Variants in KIF4B observed in about 807,000 individuals in gnomAD.
KIF4B encodes chromosome-associated kinesin KIF4B.
A neutral mutation model predicts 69.0 loss-of-function variants in KIF4B; 60 were observed. The observed-to-expected ratio is 0.87, with a 90% CI of 0.71 to 1.08. KIF4B has a LOEUF of 1.08. Among genes scored for constraint, KIF4B ranks in the 50% least tolerant of loss-of-function variants. The probability of loss-of-function intolerance (pLI) is 0.00; values close to 1 mark genes in which losing one functional copy is unlikely to be tolerated. For missense variants in KIF4B, 1,357 were observed against 1,451.9 expected (o/e 0.93, Z 1.06); for synonymous variants, 489 against 533.0 (o/e 0.92, Z 1.14).
In KIF4B at chr5:155,016,944, C is replaced by T. The variant is rs750712721; in HGVS notation, c.3085C>T (p.Arg1029Cys). The change falls in exon 1 of 1, where the codon CGT (arginine) becomes TGT (cysteine). Residue 1029 changes from arginine (R) to cysteine (C), a missense_variant. Physicochemically the swap from Arg to Cys is radical, Grantham distance 180. Coordinates refer to ENST00000435029, the MANE Select transcript of KIF4B (RefSeq NM_001099293.3). ...EYIPPKPKPS[R>C]VKEKFLEQSM... ...TATCCCACCTAAGCCAAAACCTTCT[C>T]GTGTTAAAGAAAAGTTTCTGGAGCA... 7.4e-6 allele frequency: 12 copies of T among 1,614,184 alleles called. No homozygotes were observed. Among genetic ancestry groups the T allele is most frequent in the East Asian group, 4.5e-5 (2 of 44,882 alleles).
At position 155,017,295 on chromosome 5, in the gene KIF4B, G is replaced by T; in HGVS notation, c.3436G>T (p.Asp1146Tyr). The change falls in exon 1 of 1, where the codon GAT (aspartate) becomes TAT (tyrosine). Residue 1146 changes from aspartate to tyrosine, a missense_variant. Physicochemically the swap from Asp to Tyr is radical, Grantham distance 160 (BLOSUM62 -3). Transcript: ENST00000435029. ...TTCCGAAGGCTCCTTCAAACTGGAG[G>T]ATCCTACCGAGGTGACCCCAGGATT... ...QDSEGSFKLE[D>Y]PTEVTPGLSF... 6.2e-7 allele frequency: 1 copy of T among 1,614,192 alleles called. No individual in the cohort carries two copies. Among genetic ancestry groups the T allele is most frequent in the Non-Finnish European group, 8.5e-7 (1 of 1,180,038 alleles).
rs780174289 is a variant in KIF4B, at chr5:155,014,568, C to T, written c.709C>T (p.His237Tyr). Residue 237 changes from histidine (H) to tyrosine (Y), a missense_variant, in exon 1 of 1, where the codon CAT (histidine) becomes TAT (tyrosine). By Grantham distance (83) the His-to-Tyr change is moderately conservative (BLOSUM62 2). Coordinates refer to ENST00000435029, the MANE Select transcript of KIF4B (RefSeq NM_001099293.3). ...GAATTGCAGCTTTCGCTCCAAGCTG[C>T]ATCTTGTAGATCTCGCTGGATCAGA... ...DKNCSFRSKL[H>Y]LVDLAGSERQ... The T allele has an allele frequency of 2.5e-6, 4 of 1,614,144 alleles. No individual in the cohort carries two copies. The South Asian group carries it at 3.3e-5, about 13-fold the overall frequency.
In KIF4B at chr5:155,013,808, C is replaced by T. The variant is rs1765272807; in HGVS notation, c.-52C>T. On this transcript the variant is annotated 5_prime_UTR_variant, in exon 1 of 1. Transcript: ENST00000435029. ...GGCTGGGACAGGGCGGCGGGAGACC[C>T]CGGGTGAACGGGGAAGGGACATTTA... 8 of 1,600,938 alleles carry T rather than the reference C, an allele frequency of 5.0e-6. No homozygotes were observed. The highest frequency in any genetic ancestry group is 1.1e-5 in the South Asian group (1 of 89,752).
chr5:155,015,756 G>C lies in KIF4B; in HGVS notation c.1897G>C (p.Val633Leu). The C allele has an allele frequency of 6.2e-7, 1 of 1,614,226 alleles. No homozygotes were observed. The highest frequency in any genetic ancestry group is 8.5e-7 in the Non-Finnish European group (1 of 1,180,048). Residue 633 changes from valine (V) to leucine (L), a missense_variant, in exon 1 of 1, where the codon GTC (valine) becomes CTC (leucine). Transcript: ENST00000435029. Reference sequence around the variant, plus strand: ...ACTAAAGGAATCCACAGAGCGTACTGTCTCCAAGCTGAACCAAGAGATATG... The same window carrying C: ...ACTAAAGGAATCCACAGAGCGTACTCTCTCCAAGCTGAACCAAGAGATATG... ...LKLKESTERT[V>L]SKLNQEIWMM...
Position 155,017,319 on chromosome 5 carries a change from T to C in KIF4B, c.3460T>C (p.Leu1154=). 1 of 1,614,162 alleles carries C rather than the reference T, an allele frequency of 6.2e-7. No homozygotes were observed. The highest frequency in any genetic ancestry group is 8.5e-7 in the Non-Finnish European group (1 of 1,180,016). Reference sequence around the variant, plus strand: ...GGATCCTACCGAGGTGACCCCAGGATTGAGCTTCTTTAACCCTGTCTGTGC... The same window carrying C: ...GGATCCTACCGAGGTGACCCCAGGACTGAGCTTCTTTAACCCTGTCTGTGC... The part of the protein sequence containing the change: ...LEDPTEVTPG[L]SFFNPVCATP... Residue 1154 remains leucine, a synonymous_variant, in exon 1 of 1, where the codon TTG becomes CTG. Transcript: ENST00000435029.
At position 155,017,682 on chromosome 5, in the gene KIF4B, G is replaced by A. The variant is rs1765354423; in HGVS notation, c.*118G>A. On this transcript the variant is annotated 3_prime_UTR_variant, in exon 1 of 1. Transcript: ENST00000435029. ...CAGGTTTCTTGCCGTTGAAAAAAAG[G>A]AACAAAGCATTACTAAAAAGAAGGT... 1.4e-6 allele frequency: 2 copies of A among 1,448,004 alleles called. No individual in the cohort carries two copies. Among genetic ancestry groups the A allele is most frequent in the African/African-American group, 1.4e-5 (1 of 69,530 alleles). The allele number at this position is 1,448,004 out of a possible 1,614,324, so 89.7% of individuals were successfully genotyped here.
Position 155,014,479 on chromosome 5 carries a change from C to A in KIF4B, c.620C>A (p.Ser207Tyr), listed in dbSNP as rs958270524. The A allele has an allele frequency of 6.2e-7, 1 of 1,614,096 alleles. No individual in the cohort carries two copies. Among genetic ancestry groups the A allele is most frequent in the Non-Finnish European group, 8.5e-7 (1 of 1,179,986 alleles). The change falls in exon 1 of 1, where the codon TCC (serine) becomes TAC (tyrosine). Residue 207 changes from serine (S) to tyrosine (Y), a missense_variant. Ser to Tyr is a moderately radical substitution (Grantham distance 144). Transcript: ENST00000435029. ...ACTGTGGCCTCCACAGCTATGAACT[C>A]CCAGTCGTCCCGATCTCATGCCATC... ...SRTVASTAMN[S>Y]QSSRSHAIFT...
rs78552136 is a variant in KIF4B, at chr5:155,017,586, C to A, written c.*22C>A. ...CTGAAGTTGGAGTCATCATCTCTAC[C>A]CCCAATCTGGCTTGGGAGATGCTTT... On this transcript the variant is annotated 3_prime_UTR_variant, in exon 1 of 1. Transcript: ENST00000435029. 1.2e-6 allele frequency: 2 copies of A among 1,602,564 alleles called. No homozygotes were observed. The highest frequency in any genetic ancestry group is 2.2e-4 in the Middle Eastern group (1 of 4,556).
In KIF4B at chr5:155,013,970, G is replaced by A; in HGVS notation, c.111G>A (p.Gly37=). The change falls in exon 1 of 1, where the codon GGG becomes GGA. Residue 37 remains glycine (G), a synonymous_variant. Transcript: ENST00000435029. ...AGATGTGCCTTTCCTTCGTGCCCGG[G>A]GAGACTCAGGTGGTGGTTGGTACTG... ...GCQMCLSFVP[G]ETQVVVGTDK... is the part of the protein sequence containing the mutation. The A allele has an allele frequency of 6.2e-7, 1 of 1,614,222 alleles. No homozygotes were observed. Among genetic ancestry groups the A allele is most frequent in the South Asian group, 1.1e-5 (1 of 91,082 alleles).
rs1765289984 is a variant in KIF4B, at chr5:155,014,522, G to A, written c.663G>A (p.Glu221=). Reference sequence around the variant, plus strand: ...ATGCCATCTTTACAATCTCCATAGAGCAAAGAAAGAAAAGTGACAAGAATT... The same window carrying A: ...ATGCCATCTTTACAATCTCCATAGAACAAAGAAAGAAAAGTGACAAGAATT... The part of the protein sequence containing the change: ...RSHAIFTISI[E]QRKKSDKNCS... The change falls in exon 1 of 1, where the codon GAG becomes GAA. Residue 221 remains glutamate, a synonymous_variant. Coordinates refer to ENST00000435029, the MANE Select transcript of KIF4B (RefSeq NM_001099293.3). 2 of 1,613,934 alleles carry A rather than the reference G, an allele frequency of 1.2e-6. No individual in the cohort carries two copies. Among genetic ancestry groups the A allele is most frequent in the African/African-American group, 2.7e-5 (2 of 74,914 alleles).
chr5:155,014,523 C>G lies in KIF4B; in HGVS notation c.664C>G (p.Gln222Glu), dbSNP rs1439115773. Residue 222 changes from glutamine to glutamate, a missense_variant, in exon 1 of 1, where the codon CAA becomes GAA. Transcript: ENST00000435029. The stretch of plus-strand genomic sequence containing the variant: ...TGCCATCTTTACAATCTCCATAGAG[C>G]AAAGAAAGAAAAGTGACAAGAATTG... ...SHAIFTISIE[Q>E]RKKSDKNCSF... 6.2e-7 allele frequency: 1 copy of G among 1,614,054 alleles called. No homozygotes were observed. Among genetic ancestry groups the G allele is most frequent in the Middle Eastern group, 1.7e-4 (1 of 6,058 alleles).
rs1765314324 is a variant in KIF4B at position 155,015,688 on chromosome 5, C to T, written c.1829C>T (p.Ala610Val). Residue 610 changes from alanine (A) to valine (V), a missense_variant, in exon 1 of 1, where the codon GCT becomes GTT. Transcript: ENST00000435029. ...KLLQELEGQI[A>V]DLKKKLNEQS... ...CTCCAGGAGCTGGAGGGTCAAATAG[C>T]TGATCTGAAGAAGAAACTGAATGAG... 6.2e-7 allele frequency: 1 copy of T among 1,614,036 alleles called. No homozygotes were observed. The highest frequency in any genetic ancestry group is 8.5e-7 in the Non-Finnish European group (1 of 1,180,048).
rs1331051908 is a variant in KIF4B at position 155,015,348 on chromosome 5, C to G, written c.1489C>G (p.Gln497Glu). The change falls in exon 1 of 1, where the codon CAA (glutamine) becomes GAA (glutamate). Residue 497 changes from glutamine to glutamate, a missense_variant. Gln to Glu is a conservative substitution (Grantham distance 29). Transcript: ENST00000435029. Reference sequence around the variant, plus strand: ...TGATACTGCGGTAGAAGAAGAAGCTCAAGTGGAAACCAGTCCAGAGACAAG... The same window carrying G: ...TGATACTGCGGTAGAAGAAGAAGCTGAAGTGGAAACCAGTCCAGAGACAAG... ...AIDTAVEEEA[Q>E]VETSPETSRS... 6.2e-6 allele frequency: 10 copies of G among 1,614,090 alleles called. No individual in the cohort carries two copies. The highest frequency in any genetic ancestry group is 1.3e-5 in the African/African-American group (1 of 74,912).
chr5:155,015,369 A>T lies in KIF4B; in HGVS notation c.1510A>T (p.Thr504Ser). Residue 504 changes from threonine (T) to serine (S), a missense_variant, in exon 1 of 1, where the codon ACA (threonine) becomes TCA (serine). Physicochemically the swap from Thr to Ser is moderately conservative, Grantham distance 58. Coordinates refer to ENST00000435029, the MANE Select transcript of KIF4B (RefSeq NM_001099293.3). ...AGCTCAAGTGGAAACCAGTCCAGAG[A>T]CAAGCAGGTCTTCTGACGCTTTTAC... Reference protein sequence around the residue: ...EEAQVETSPETSRSSDAFTTQ... With the variant: ...EEAQVETSPESSRSSDAFTTQ... 6.2e-7 allele frequency: 1 copy of T among 1,614,232 alleles called. No individual in the cohort carries two copies. Among genetic ancestry groups the T allele is most frequent in the South Asian group, 1.1e-5 (1 of 91,084 alleles).
In KIF4B at chr5:155,015,748, A is replaced by G. The variant is rs1582713164; in HGVS notation, c.1889A>G (p.Glu630Gly). Residue 630 changes from glutamate (E) to glycine (G), a missense_variant, in exon 1 of 1, where the codon GAG becomes GGG. Physicochemically the swap from Glu to Gly is moderately conservative, Grantham distance 98. Transcript: ENST00000435029. ...CTTCTGAAACTAAAGGAATCCACAG[A>G]GCGTACTGTCTCCAAGCTGAACCAA... ...SKLLKLKEST[E>G]RTVSKLNQEI... is the part of the protein sequence containing the mutation. The G allele has an allele frequency of 1.2e-6, 2 of 1,614,118 alleles. No homozygotes were observed. The highest frequency in any genetic ancestry group is 1.7e-6 in the Non-Finnish European group (2 of 1,180,050).
chr5:155,016,732 A>T lies in KIF4B; in HGVS notation c.2873A>T (p.Gln958Leu), dbSNP rs1453917857. 6.2e-7 allele frequency: 1 copy of T among 1,614,210 alleles called. No homozygotes were observed. The highest frequency in any genetic ancestry group is 1.1e-5 in the South Asian group (1 of 91,074). Residue 958 changes from glutamine (Q) to leucine (L), a missense_variant, in exon 1 of 1, where the codon CAG becomes CTG. Transcript: ENST00000435029. The part of the protein sequence containing the change: ...LEKSASEKEQ[Q>L]LVSTLQCQDE... ...AAATCAGCCAGTGAAAAGGAACAAC[A>T]GCTGGTGAGCACACTGCAGTGTCAG...
Position 155,016,379 on chromosome 5 carries a change from G to A in KIF4B, c.2520G>A (p.Lys840=), listed in dbSNP as rs1470921533. 5.0e-6 allele frequency: 8 copies of A among 1,614,224 alleles called. No homozygotes were observed. The East Asian group carries it at 1.6e-4, about 31-fold the overall frequency. The change falls in exon 1 of 1, where the codon AAG becomes AAA. Residue 840 remains lysine, a synonymous_variant. Transcript: ENST00000435029. Reference sequence around the variant, plus strand: ...CTCAGATTGCTGACCTACAGCAGAAGCTGCTGGATGCAGAAAGTGAAGATA... The same window carrying A: ...CTCAGATTGCTGACCTACAGCAGAAACTGCTGGATGCAGAAAGTGAAGATA... ...RSAQIADLQQ[K]LLDAESEDRP...
At position 155,017,403 on chromosome 5, in the gene KIF4B, A is replaced by G; in HGVS notation, c.3544A>G (p.Lys1182Glu). Residue 1182 changes from lysine to glutamate, a missense_variant, in exon 1 of 1, where the codon AAG becomes GAG. By Grantham distance (56) the Lys-to-Glu change is moderately conservative. Coordinates refer to ENST00000435029, the MANE Select transcript of KIF4B (RefSeq NM_001099293.3). ...MCDMEQVLSK[K>E]TAPAPSPFDL... is the part of the protein sequence containing the mutation. ...TGACATGGAGCAGGTGCTGTCAAAG[A>G]AGACTGCTCCAGCTCCCTCCCCTTT... 1 of 1,614,150 alleles carries G rather than the reference A, an allele frequency of 6.2e-7. No homozygotes were observed. Among genetic ancestry groups the G allele is most frequent in the South Asian group, 1.1e-5 (1 of 91,076 alleles).
At position 155,017,582 on chromosome 5, in the gene KIF4B, C is replaced by G; in HGVS notation, c.*18C>G. On this transcript the variant is annotated 3_prime_UTR_variant, in exon 1 of 1. Transcript: ENST00000435029. ...CCCACTGAAGTTGGAGTCATCATCT[C>G]TACCCCCAATCTGGCTTGGGAGATG... 6.2e-7 allele frequency: 1 copy of G among 1,605,456 alleles called. No individual in the cohort carries two copies. The highest frequency in any genetic ancestry group is 8.5e-7 in the Non-Finnish European group (1 of 1,176,904).
Sources: allele counts gnomAD v4.1 joint callset, GRCh38; gene constraint gnomAD v4.1.1; transcripts MANE v1.5; gene names NCBI Gene and HGNC (gene_info 2026-07-23, HGNC 2026-07-21).